The following LARGE1 variants were observed in gnomAD, a reference collection of about 807,000 sequenced individuals.
LARGE1 encodes the protein xylosyl- and glucuronyltransferase LARGE1.
A neutral mutation model predicts 87.6 loss-of-function variants in LARGE1; 43 were observed. That is an observed-to-expected ratio of 0.49 (90% CI 0.38 to 0.63). The LOEUF is 0.63. Ranked by LOEUF, LARGE1 falls within the 30% of genes least tolerant of loss-of-function variation. LARGE1 has a pLI of 0.00. For synonymous variants in LARGE1, 434 were observed against 394.6 expected, an observed-to-expected ratio of 1.10 and a Z score of -1.18; for missense variants, 802 against 1,000.2, an observed-to-expected ratio of 0.80 and a Z score of 2.67.
chr22:33,595,291 G>C (rs2078947803), intron 5 of LARGE1, among the ~76,000 whole-genome samples: 1 of 152,070 alleles, frequency 6.6e-6, no homozygotes, highest in Non-Finnish European at 1.5e-5. Flanking sequence ...CAATAAATAA[G>C]AATGAGAAGG....
chr22:33,306,123 C>T (rs1208383611), intron 11 of LARGE1, among the ~76,000 whole-genome samples: 1 of 152,126 alleles, frequency 6.6e-6, no homozygotes, highest in African/African-American at 2.4e-5. Context: ...GGCTTACAGG[C>T]GTGAGCCACC....
intron 2 of LARGE1, among the ~76,000 whole-genome samples, chr22:33,728,551 CAAAAAAAAAAAA>C (rs57790780): frequency 2.1e-4 from 8 of 37,460 alleles, no homozygotes; most frequent in Non-Finnish European, 2.7e-4. Context: ...CCCCTACCAC[CAAAAAAAAAAAA>C]AAAAAAAAAA....
intron 11 of LARGE1, among the ~76,000 whole-genome samples, chr22:33,198,636 G>GACACAC (rs71187250): frequency 1.9e-3 from 256 of 137,750 alleles, no homozygotes; most frequent in African/African-American, 6.6e-3. Context: ...TATACACCGT[G>GACACAC]ACACACACAC....
At chr22:33,761,295 T>G in intron 2 of LARGE1, 76 bp downstream of exon 2, 1 of 1,197,064 alleles carries the variant, frequency 8.4e-7, no homozygotes, top group Non-Finnish European at 1.3e-6. Context: ...GGCTTTGAGT[T>G]TCTTTTCTAG....
At chr22:33,851,925 C>T (rs2063594369) in intron 1 of LARGE1, among the ~76,000 whole-genome samples, 1 of 152,144 alleles carries the variant, frequency 6.6e-6, no homozygotes, top group Admixed American at 6.5e-5. Context: ...TTGTGCCTTG[C>T]AGTGATCTTG....
chr22:33,697,885 C>G (rs2082299104), intron 2 of LARGE1, among the ~76,000 whole-genome samples: 1 of 152,176 alleles, frequency 6.6e-6, no homozygotes, highest in South Asian at 2.1e-4. Flanking sequence ...GAATGAGACA[C>G]TGTGGGTGTT....
At chr22:33,667,628 T>C (rs1431633167) in intron 2 of LARGE1, among the ~76,000 whole-genome samples, 1 of 152,192 alleles carries the variant, frequency 6.6e-6, no homozygotes, top group Non-Finnish European at 1.5e-5. Context: ...AAACATAATA[T>C]AAATTATTAA....
At chr22:33,792,612 G>A (rs1270784062) in intron 1 of LARGE1, among the ~76,000 whole-genome samples, 1 of 152,078 alleles carries the variant, frequency 6.6e-6, no homozygotes, top group African/African-American at 2.4e-5. Flanking sequence ...AGAAAATAAT[G>A]AGGCATCTTT....
At chr22:33,669,197 A>G (rs1181466456) in intron 2 of LARGE1, among the ~76,000 whole-genome samples, 1 of 152,260 alleles carries the variant, frequency 6.6e-6, no homozygotes, top group Non-Finnish European at 1.5e-5. Context: ...AACTGGGAAC[A>G]TAGCTTTCCA....
chr22:33,287,680 C>G (rs1217488709), intron 12 of LARGE1, among the ~76,000 whole-genome samples: 1 of 152,152 alleles, frequency 6.6e-6, no homozygotes, highest in African/African-American at 2.4e-5. Flanking sequence ...GCCATTAGTT[C>G]TCTGGAAAGT....
chr22:33,083,499 G>C, the LARGE1 span, among the ~76,000 whole-genome samples: 1 of 152,188 alleles, frequency 6.6e-6, no homozygotes, highest in Non-Finnish European at 1.5e-5. Flanking sequence ...TACTCACTGA[G>C]CACTTGCTAT....
intron 8 of LARGE1, among the ~76,000 whole-genome samples, chr22:33,383,852 C>T (rs2065237662): frequency 6.6e-6 from 1 of 152,190 alleles, no homozygotes; most frequent in African/African-American, 2.4e-5. Flanking sequence ...ATGAAGAGGG[C>T]ACCGACATCT....
intron 5 of LARGE1, among the ~76,000 whole-genome samples, chr22:33,592,632 C>A (rs1016568920): frequency 1.3e-5 from 2 of 152,204 alleles, no homozygotes; most frequent in African/African-American, 2.4e-5. Context: ...CATTTGCAAT[C>A]AGCCTTGCAA....
the LARGE1 span, among the ~76,000 whole-genome samples, chr22:33,081,660 G>C: frequency 5.3e-5 from 8 of 152,268 alleles, no homozygotes; most frequent in East Asian, 7.7e-4. Context: ...CATCAGAAAA[G>C]ACCACATTCA....
intron 1 of LARGE1, among the ~76,000 whole-genome samples, chr22:33,903,862 T>A (rs2065357242): frequency 6.6e-6 from 1 of 152,114 alleles, no homozygotes; most frequent in Non-Finnish European, 1.5e-5. Context: ...TTGAAATGAC[T>A]GATGCAGGGA....
chr22:33,078,744 T>C, the LARGE1 span, among the ~76,000 whole-genome samples: 7 of 152,334 alleles, frequency 4.6e-5, no homozygotes, highest in African/African-American at 1.7e-4. Flanking sequence ...ATTATTAAGA[T>C]GTAGTCTCTT....
chr22:33,506,381 T>A (rs2070767373), intron 6 of LARGE1, among the ~76,000 whole-genome samples: 2 of 152,102 alleles, frequency 1.3e-5, no homozygotes, highest in Admixed American at 1.3e-4. Context: ...AGAGCAGGGA[T>A]CTGGCATCAG....
chr22:33,698,233 C>T (rs1469496050), intron 2 of LARGE1, among the ~76,000 whole-genome samples: 4 of 151,820 alleles, frequency 2.6e-5, no homozygotes. Context: ...CCACCACGCT[C>T]GGCTAATTTT....
intron 1 of LARGE1, among the ~76,000 whole-genome samples, chr22:33,781,606 A>T (rs1015627386): frequency 1.3e-5 from 2 of 152,232 alleles, no homozygotes; most frequent in African/African-American, 4.8e-5. Flanking sequence ...TCCAGCTGTG[A>T]TCACTTAGGA....
Sources: gnomAD v4.1 joint callset for allele counts (sites outside exome capture counted in the v4.1 genomes callset) on GRCh38, gnomAD v4.1.1 for gene constraint, MANE v1.5 for transcripts, NCBI Gene and HGNC (gene_info 2026-07-23, HGNC 2026-07-21) for gene names.